Variants in ADAMTSL3 observed in about 807,000 individuals in gnomAD.
ADAMTSL3 encodes ADAMTS-like protein 3.
Under a neutral mutation model 201.7 loss-of-function variants are expected in ADAMTSL3, and 128 were observed. That is an observed-to-expected ratio of 0.63 (90% CI 0.55 to 0.73). The LOEUF is 0.73. Among genes scored for constraint, ADAMTSL3 ranks in the 30% least tolerant of loss-of-function variants. The pLI, the probability that ADAMTSL3 is intolerant of heterozygous loss-of-function variation, is 0.00. For synonymous variants in ADAMTSL3, 738 were observed against 748.4 expected, an observed-to-expected ratio of 0.99 and a Z score of 0.23; for missense variants, 1,990 against 2,119.6, an observed-to-expected ratio of 0.94 and a Z score of 1.20.
At chr15:83,703,015 G>A (rs2061797816) in intron 2 of ADAMTSL3, among the ~76,000 whole-genome samples, 1 of 152,124 alleles carries the variant, frequency 6.6e-6, no homozygotes, top group Non-Finnish European at 1.5e-5. Flanking sequence ...CCAAGACCAT[G>A]AGAACCCACC....
chr15:83,765,153 G>A (rs912287295), intron 3 of ADAMTSL3, among the ~76,000 whole-genome samples: 3 of 152,152 alleles, frequency 2.0e-5, no homozygotes, highest in Non-Finnish European at 4.4e-5. Flanking sequence ...TAGATATATG[G>A]GTGTTGAATA....
chr15:83,830,285 C>G lies in ADAMTSL3; in HGVS notation c.601-7804C>G, dbSNP rs117356494. 7.0e-3 allele frequency among the ~76,000 whole-genome samples: 1,062 copies of G among 152,212 alleles called. 6 individuals carry two copies. Among genetic ancestry groups the G allele is most frequent in the Middle Eastern group, 0.01 (3 of 294 alleles). On this transcript the variant is annotated intron_variant, in intron 6 of 29. Transcript: ENST00000286744. ...CTCTCACATGGTTAAATCTAATGAT[C>G]TAATGTCATTGGGGACTGAGTAAGA...
chr15:83,870,760 T>G (rs2065064926), intron 8 of ADAMTSL3, 42 bp from the exon 9 acceptor site: 1 of 1,483,938 alleles, frequency 6.7e-7, no homozygotes, highest in East Asian at 2.4e-5. Flanking sequence ...ATAAAATACC[T>G]TTAAGATTGT....
At chr15:84,018,225 C>CA (rs1319462644) in intron 25 of ADAMTSL3, among the ~76,000 whole-genome samples, 1 of 152,226 alleles carries the variant, frequency 6.6e-6, no homozygotes, top group East Asian at 1.9e-4. Context: ...CACACAAACA[C>CA]ATGCCCAAAT....
At chr15:83,849,851 C>T (rs1271348985) in intron 7 of ADAMTSL3, among the ~76,000 whole-genome samples, 1 of 152,004 alleles carries the variant, frequency 6.6e-6, no homozygotes, top group African/African-American at 2.4e-5. Flanking sequence ...AACCAAATGC[C>T]ATTACATCAA....
At chr15:83,932,418 C>G (rs1021744625) in intron 17 of ADAMTSL3, among the ~76,000 whole-genome samples, 2 of 152,156 alleles carry the variant, frequency 1.3e-5, no homozygotes, top group African/African-American at 2.4e-5. Context: ...CACTTTTTGG[C>G]TTTAAGATCT....
At chr15:83,738,386 A>ATATG (rs2062401832) in intron 3 of ADAMTSL3, among the ~76,000 whole-genome samples, 1 of 152,186 alleles carries the variant, frequency 6.6e-6, no homozygotes, top group African/African-American at 2.4e-5. Context: ...TTTAGCATCT[A>ATATG]TATGTATGTA....
chr15:84,007,856 G>A (rs1015429379), intron 23 of ADAMTSL3, among the ~76,000 whole-genome samples: 1 of 152,170 alleles, frequency 6.6e-6, no homozygotes, highest in African/African-American at 2.4e-5. Context: ...AGTATTCCAG[G>A]TGAGCAAAGC....
intron 2 of ADAMTSL3, among the ~76,000 whole-genome samples, chr15:83,660,235 C>G (rs2061143982): frequency 6.6e-6 from 1 of 152,204 alleles, no homozygotes; most frequent in Admixed American, 6.5e-5. Flanking sequence ...GTCCAGGCCT[C>G]TTATTCACCT....
intron 3 of ADAMTSL3, among the ~76,000 whole-genome samples, chr15:83,765,727 TC>T (rs1156996136): frequency 3.3e-5 from 5 of 152,216 alleles, no homozygotes; most frequent in African/African-American, 1.2e-4. Flanking sequence ...TCCAAAATAT[TC>T]CCTAGCTAGA....
In ADAMTSL3 at chr15:83,988,968, G is replaced by A. The variant is rs141297202; in HGVS notation, c.3844+150G>A. The A allele has an allele frequency of 0.06, 22,171 of 370,496 alleles. 1,476 individuals are homozygous for A. The highest frequency in any genetic ancestry group is 0.31 in the South Asian group (2,594 of 8,400). 23.0% of individuals were successfully genotyped at this position (370,496 alleles called of 1,614,324 possible). ...GTGATCTCGGCTCACTGTAAGCTCC[G>A]CCTCCCGGGTTCACGCCATTCTCCA... On this transcript the variant is annotated intron_variant, in intron 22 of 29. Coordinates refer to ENST00000286744, the MANE Select transcript of ADAMTSL3 (RefSeq NM_207517.3).
At chr15:84,001,510 T>C (rs2067791561) in intron 23 of ADAMTSL3, among the ~76,000 whole-genome samples, 2 of 152,210 alleles carry the variant, frequency 1.3e-5, no homozygotes, top group African/African-American at 4.8e-5. Flanking sequence ...AATGAGTGTG[T>C]ATACCAAGAT....
intron 16 of ADAMTSL3, among the ~76,000 whole-genome samples, chr15:83,916,259 A>G (rs1822584833): frequency 6.6e-6 from 1 of 152,182 alleles, no homozygotes; most frequent in African/African-American, 2.4e-5. Flanking sequence ...TCAAGTTGGT[A>G]GCCTTTTACT....
At chr15:83,831,460 G>T (rs1439543653) in intron 6 of ADAMTSL3, among the ~76,000 whole-genome samples, 1 of 152,224 alleles carries the variant, frequency 6.6e-6, no homozygotes, top group African/African-American at 2.4e-5. Flanking sequence ...TTCAAGATCA[G>T]AGATACTTGG....
intron 3 of ADAMTSL3, among the ~76,000 whole-genome samples, chr15:83,711,209 C>T (rs905251156): frequency 2.6e-4 from 40 of 152,204 alleles, no homozygotes; most frequent in African/African-American, 2.4e-4. Flanking sequence ...TAACTTCTTC[C>T]GAACTTTTCA....
intron 3 of ADAMTSL3, among the ~76,000 whole-genome samples, chr15:83,748,410 G>A (rs2062583018): frequency 6.6e-6 from 1 of 152,126 alleles, no homozygotes. Context: ...TACTCTGGGA[G>A]GCCAAGGTGG....
intron 6 of ADAMTSL3, among the ~76,000 whole-genome samples, chr15:83,827,945 G>A (rs957294600): frequency 6.6e-6 from 1 of 152,188 alleles, no homozygotes; most frequent in African/African-American, 2.4e-5. Flanking sequence ...TTGAAGTCAG[G>A]TAACGTGATG....
intron 4 of ADAMTSL3, among the ~76,000 whole-genome samples, chr15:83,780,506 A>G (rs1012055675): frequency 1.3e-5 from 2 of 152,250 alleles, no homozygotes; most frequent in Middle Eastern, 3.4e-3. Flanking sequence ...AGTCAACATC[A>G]TACCAAGTGG....
chr15:83,973,092 A>C (rs1159642166), intron 20 of ADAMTSL3, among the ~76,000 whole-genome samples: 2 of 152,098 alleles, frequency 1.3e-5, no homozygotes, highest in African/African-American at 4.8e-5. Flanking sequence ...CTAACATCCA[A>C]GACAACCAAT....
Sources: allele counts gnomAD v4.1 joint callset (sites outside exome capture counted in the v4.1 genomes callset), GRCh38; gene constraint gnomAD v4.1.1; transcripts MANE v1.5; gene names NCBI Gene and HGNC (gene_info 2026-07-23, HGNC 2026-07-21).